Variants in DTNA observed in about 807,000 individuals in gnomAD.
DTNA encodes dystrobrevin alpha.
In DTNA, 43 loss-of-function variants were observed where a neutral mutation model predicts 100.7. The ratio of observed to expected loss-of-function variants is 0.43; its 90% CI spans 0.33 to 0.55. The LOEUF is 0.55. Among genes scored for constraint, DTNA ranks in the 20% least tolerant of loss-of-function variants. The pLI, the probability that DTNA is intolerant of heterozygous loss-of-function variation, is 0.04. For synonymous variants in DTNA, 349 were observed against 347.9 expected (o/e 1.00, Z -0.04); for missense variants, 798 against 953.9 (o/e 0.84, Z 2.15).
At position 34,855,589 on chromosome 18, in the gene DTNA, C is replaced by T. The variant is rs550867147; in HGVS notation, c.1533-2696C>T. 1.7e-4 allele frequency among the ~76,000 whole-genome samples: 26 copies of T among 152,330 alleles called. No individual in the cohort carries two copies. In the East Asian group the frequency reaches 4.4e-3, roughly 26 times the overall value. On this transcript the variant is annotated intron_variant, in intron 15 of 22. Coordinates refer to ENST00000444659, the MANE Select transcript of DTNA (RefSeq NM_001386795.1). ...TAGCAATCCTCTTTTCTTTCACTCT[C>T]TTGTTCTTTCCTTCCTCCTATCCAT...
At chr18:34,641,975 T>G (rs1223553450) in intron 1 of DTNA, among the ~76,000 whole-genome samples, 2 of 152,154 alleles carry the variant, frequency 1.3e-5, no homozygotes, top group African/African-American at 2.4e-5. Flanking sequence ...CAAATAGGCA[T>G]TAATATCCTT....
Position 34,879,713 on chromosome 18 carries a change from G to A in DTNA, c.2156G>A (p.Gly719Asp), listed in dbSNP as rs928341511. ...HSGATTSTMR[G>D]DMVTEDADPY... ...GGAGCTACCACAAGTACCATGCGTG[G>A]CGACATGTGAGTATCTTCCGCTTGG... The change falls in exon 20 of 23, where the codon GGC becomes GAC. Residue 719 changes from glycine to aspartate, a missense_variant. By Grantham distance (94) the Gly-to-Asp change is moderately conservative. This residue lies in a region of DTNA where 242 missense variants were observed against 238.2 expected (regional missense o/e 1.02). Coordinates refer to ENST00000444659, the MANE Select transcript of DTNA (RefSeq NM_001386795.1). The A allele has an allele frequency of 2.2e-5, 35 of 1,613,916 alleles. No homozygotes were observed. The highest frequency in any genetic ancestry group is 4.0e-5 in the African/African-American group (3 of 74,902).
rs548019025 is a variant in DTNA at position 34,824,491 on chromosome 18, T to A, written c.1002-3102T>A. On this transcript the variant is annotated intron_variant, in intron 9 of 22. Transcript: ENST00000444659. ...ACGCCATCTCAAAAAAAAAAAAAAA[T>A]TTTTTTTACTACATGGCACATGTAT... is the stretch of plus-strand genomic sequence containing the variant. Among the ~76,000 whole-genome samples, 213 of 149,762 alleles carry A rather than the reference T, an allele frequency of 1.4e-3. 3 individuals carry two copies. The highest frequency in any genetic ancestry group is 0.012 in the Admixed American group (185 of 15,012).
rs1603303084 is a variant in DTNA at position 34,867,681 on chromosome 18, G to A, written c.1743+3619G>A. On this transcript the variant is annotated intron_variant, in intron 17 of 22. Transcript: ENST00000444659. ...GCCTTGCTTTAGCCATTTCCCTTGGGGATACTTTCCAGGCCATTTCCCAGG... is the reference window on the plus strand; with the variant it reads ...GCCTTGCTTTAGCCATTTCCCTTGGAGATACTTTCCAGGCCATTTCCCAGG... The A allele has an allele frequency of 3.0e-6, 3 of 986,916 alleles. 1 individual carries two copies. The allele number at this position is 986,916 out of a possible 1,614,324, so 61.1% of individuals were successfully genotyped here. A position where few individuals can be genotyped will look rare whatever the true frequency, so the allele number is the denominator to read the frequency against.
intron 1 of DTNA, among the ~76,000 whole-genome samples, chr18:34,587,024 G>A (rs2049213201): frequency 6.6e-6 from 1 of 151,722 alleles, no homozygotes; most frequent in Admixed American, 6.6e-5. Context: ...GTGCAGTGGT[G>A]TGATCACAGC....
chr18:34,780,887 C>T lies in DTNA; in HGVS notation c.149-13150C>T, dbSNP rs891844094. The stretch of plus-strand genomic sequence containing the variant: ...CCAATGCACTCCAGAACTGTCCATT[C>T]AGGAGACAAAAGGAGAGAGTTCTAA... On this transcript the variant is annotated intron_variant, in intron 3 of 22. Transcript: ENST00000444659. 8.5e-5 allele frequency among the ~76,000 whole-genome samples: 13 copies of T among 152,312 alleles called. 1 individual carries two copies. Among genetic ancestry groups the T allele is most frequent in the South Asian group, 4.1e-4 (2 of 4,830 alleles).
At position 34,699,603 on chromosome 18, in the gene DTNA, C is replaced by T. The variant is rs1045044946; in HGVS notation, c.-1-56373C>T. On this transcript the variant is annotated intron_variant, in intron 1 of 19. Transcript: ENST00000283365. ...CACACAACTCAAATACACAATGCCC[C>T]GCAGACTTTCCCTTGCTGACAAGCC... 7.4e-4 allele frequency among the ~76,000 whole-genome samples: 113 copies of T among 152,278 alleles called. 1 individual carries two copies. The highest frequency in any genetic ancestry group is 5.9e-5 in the Non-Finnish European group (4 of 68,032).
intron 1 of DTNA, among the ~76,000 whole-genome samples, chr18:34,753,366 ATTTTTT>A (rs757853063): frequency 6.0e-5 from 8 of 133,150 alleles, no homozygotes; most frequent in Non-Finnish European, 9.2e-5. Context: ...TATTTATTTT[ATTTTTT>A]TTTTTTTTTT....
At chr18:34,816,187 C>T (rs533892206) in intron 7 of DTNA, among the ~76,000 whole-genome samples, 173 bp downstream of exon 7, 1 of 152,304 alleles carries the variant, frequency 6.6e-6, no homozygotes, top group Non-Finnish European at 1.5e-5. Context: ...TAAAGGACCA[C>T]TGAAAAATTA....
intron 1 of DTNA, among the ~76,000 whole-genome samples, chr18:34,660,745 A>G (rs2075069534): frequency 6.6e-6 from 1 of 152,168 alleles, no homozygotes. Flanking sequence ...CCAGGTCTTT[A>G]GACAATAACT....
Position 34,794,235 on chromosome 18 carries a change from T to C in DTNA, c.347T>C (p.Leu116Pro). The change falls in exon 4 of 23, where the codon CTT (leucine) becomes CCT (proline). Residue 116 changes from leucine (L) to proline (P), a missense_variant. Transcript: ENST00000444659. The stretch of plus-strand genomic sequence containing the variant: ...ATCAGCCTCCTCCTTAACTTCCTGC[T>C]TGCAGCGTTTGATCCGTAAGCACCC... The part of the protein sequence containing the change: ...QSISLLLNFL[L>P]AAFDPEGHGK... 6.2e-7 allele frequency: 1 copy of C among 1,614,072 alleles called. No individual in the cohort carries two copies. Among genetic ancestry groups the C allele is most frequent in the Non-Finnish European group, 8.5e-7 (1 of 1,179,940 alleles).
intron 2 of DTNA, among the ~76,000 whole-genome samples, chr18:34,761,215 A>G (rs2093147011): frequency 6.6e-6 from 1 of 152,064 alleles, no homozygotes; most frequent in South Asian, 2.1e-4. Flanking sequence ...CAGGTTCATC[A>G]TAGGCTTCAT....
At chr18:34,563,165 T>C (rs2046790409) in intron 1 of DTNA, among the ~76,000 whole-genome samples, 1 of 152,210 alleles carries the variant, frequency 6.6e-6, no homozygotes, top group African/African-American at 2.4e-5. Flanking sequence ...GATGAGGTCA[T>C]ACTGGATTAG....
intron 1 of DTNA, among the ~76,000 whole-genome samples, chr18:34,719,158 C>T (rs1214281571): frequency 6.6e-6 from 1 of 151,718 alleles, no homozygotes; most frequent in African/African-American, 2.4e-5. Flanking sequence ...GGCGAAACCC[C>T]GTCTCTACTA....
Position 34,872,768 on chromosome 18 carries a change from T to C in DTNA, c.1744-2471T>C, listed in dbSNP as rs111897014. The stretch of plus-strand genomic sequence containing the variant: ...ACGCTGCTCCAGCACCACAAGGTGG[T>C]CCTACTGGGTCTGTGCCCTGTGTCT... On this transcript the variant is annotated intron_variant, in intron 17 of 22. Coordinates refer to ENST00000444659, the MANE Select transcript of DTNA (RefSeq NM_001386795.1). Among the ~76,000 whole-genome samples, 463 of 152,316 alleles carry C rather than the reference T, an allele frequency of 3.0e-3. 5 individuals carry two copies. The highest frequency in any genetic ancestry group is 0.021 in the South Asian group (99 of 4,828).
intron 1 of DTNA, chr18:34,679,523 T>C (rs2077805116): frequency 1.3e-5 from 2 of 152,212 alleles, no homozygotes; most frequent in African/African-American, 4.8e-5. Context: ...TTAAGTGCCA[T>C]AATCAACTGC....
At chr18:34,630,914 G>C (rs912290525) in intron 1 of DTNA, among the ~76,000 whole-genome samples, 2 of 152,144 alleles carry the variant, frequency 1.3e-5, no homozygotes. Flanking sequence ...GAAGTTAAGA[G>C]AGTAGATGAA....
At chr18:34,689,668 G>A (rs2079449915) in intron 1 of DTNA, among the ~76,000 whole-genome samples, 1 of 152,222 alleles carries the variant, frequency 6.6e-6, no homozygotes, top group South Asian at 2.1e-4. Flanking sequence ...CAGAGCTCGA[G>A]TGCTGTGCTG....
chr18:34,716,907 A>G (rs994602098), intron 1 of DTNA, among the ~76,000 whole-genome samples: 8 of 152,232 alleles, frequency 5.3e-5, no homozygotes, highest in South Asian at 2.1e-4. Context: ...CTGAAATTCA[A>G]TACCAAATGG....
Sources: allele counts gnomAD v4.1 joint callset (sites outside exome capture counted in the v4.1 genomes callset), GRCh38; gene constraint gnomAD v4.1.1; regional missense constraint gnomAD v4.1.1; transcripts MANE v1.5; gene names NCBI Gene and HGNC (gene_info 2026-07-23, HGNC 2026-07-21).